Variants in STARD9 observed in about 807,000 individuals in gnomAD.
STARD9 encodes stAR-related lipid transfer protein 9.
In STARD9, 346 loss-of-function variants were observed where a neutral mutation model predicts 399.8. That is an observed-to-expected ratio of 0.87 (90% CI 0.79 to 0.95). The LOEUF (loss-of-function observed/expected upper bound fraction) is 0.95. STARD9 is among the 40% of genes least tolerant of loss of function. The pLI is 0.00. For missense variants in STARD9, 5,832 were observed against 5,667.5 expected, an observed-to-expected ratio of 1.03 and a Z score of -0.93; for synonymous variants, 2,203 against 2,143.5, an observed-to-expected ratio of 1.03 and a Z score of -0.77.
Position 42,694,679 on chromosome 15 carries a change from C to G in STARD9, c.12916C>G (p.Arg4306Gly), listed in dbSNP as rs971100428. ...IWDLDLPSRR[R>G]EYLQQLRKDV... ...GGATCTTGACTTGCCCAGCAGACGC[C>G]GAGAATACCTGCAGCAACTGAGGAA... Residue 4306 changes from arginine to glycine, a missense_variant, in exon 24 of 33, where the codon CGA (arginine) becomes GGA (glycine). By Grantham distance (125) the Arg-to-Gly change is moderately radical. Coordinates refer to ENST00000290607, the MANE Select transcript of STARD9 (RefSeq NM_020759.3). 9.1e-6 allele frequency: 14 copies of G among 1,537,000 alleles called. No individual in the cohort carries two copies. Among genetic ancestry groups the G allele is most frequent in the Non-Finnish European group, 1.1e-5 (13 of 1,146,896 alleles).
chr15:42,593,093 G>A (rs1417862915), intron 3 of STARD9, among the ~76,000 whole-genome samples: 1 of 152,156 alleles, frequency 6.6e-6, no homozygotes, highest in East Asian at 1.9e-4. Context: ...GAGTTTATGA[G>A]TGCTGTGCCT....
chr15:42,683,534 T>C (rs995388953), intron 22 of STARD9, among the ~76,000 whole-genome samples: 5 of 152,206 alleles, frequency 3.3e-5, no homozygotes, highest in Non-Finnish European at 7.3e-5. Flanking sequence ...TGATGTATTC[T>C]AAAACCTAGG....
At position 42,695,837 on chromosome 15, in the gene STARD9, GCAGCCCAGCCTTGTCAGGC is replaced by G; in HGVS notation, c.13246_13264del (p.Pro4416SerfsTer20). The G allele has an allele frequency of 6.5e-7, 1 of 1,537,214 alleles. No individual in the cohort carries two copies. The highest frequency in any genetic ancestry group is 8.7e-7 in the Non-Finnish European group (1 of 1,146,862). On this transcript the variant is annotated frameshift_variant, in exon 26 of 33. Coordinates refer to ENST00000290607, the MANE Select transcript of STARD9 (RefSeq NM_020759.3). LOFTEE classifies it high-confidence loss of function. Reference sequence around the variant, plus strand: ...TCTGGCATGACCTCTGGCTATAATAGCAGCCCAGCCTTGTCAGGCCAGCTCCAGTTCCCAGAGAATATGG... The same window carrying G: ...TCTGGCATGACCTCTGGCTATAATAGCAGCTCCAGTTCCCAGAGAATATGG...
At chr15:42,626,594 G>A (rs1422360977) in intron 3 of STARD9, among the ~76,000 whole-genome samples, 3 of 151,540 alleles carry the variant, frequency 2.0e-5, no homozygotes, top group African/African-American at 4.9e-5. Flanking sequence ...TCCGCCTCCC[G>A]GGTTCTAATG....
intron 3 of STARD9, among the ~76,000 whole-genome samples, chr15:42,623,184 G>T (rs1389588832): frequency 6.6e-6 from 1 of 151,954 alleles, no homozygotes; most frequent in African/African-American, 2.4e-5. Context: ...CCTGGGAGGC[G>T]GAGGTTGCAG....
chr15:42,663,808 C>CT lies in STARD9; in HGVS notation c.1079-10dup. On this transcript the variant is annotated splice_polypyrimidine_tract_variant and intron_variant, in intron 12 of 32. Transcript: ENST00000290607. ...GGCTGGCATGTTTTTAAACTTTCTCCTTCTACCTCAGCGGTGTCTCCTGCA... is the reference window on the plus strand; with the variant it reads ...GGCTGGCATGTTTTTAAACTTTCTCCTTTCTACCTCAGCGGTGTCTCCTGCA... The CT allele has an allele frequency of 6.5e-7, 1 of 1,529,430 alleles. No individual in the cohort carries two copies. The highest frequency in any genetic ancestry group is 8.8e-7 in the Non-Finnish European group (1 of 1,139,822). The allele number at this position is 1,529,430 out of a possible 1,614,324, so 94.7% of individuals were successfully genotyped here. A position where few individuals can be genotyped will look rare whatever the true frequency, so the allele number is the denominator to read the frequency against.
intron 7 of STARD9, among the ~76,000 whole-genome samples, chr15:42,647,550 A>G (rs1566901610): frequency 6.6e-6 from 1 of 152,062 alleles, no homozygotes; most frequent in Non-Finnish European, 1.5e-5. Flanking sequence ...CATTAACGAA[A>G]CTAGCTTTCT....
intron 7 of STARD9, among the ~76,000 whole-genome samples, chr15:42,639,821 G>A (rs988671557): frequency 6.7e-6 from 1 of 150,170 alleles, no homozygotes; most frequent in Non-Finnish European, 1.5e-5. Flanking sequence ...TCGAGATTGC[G>A]CAACTGCACT....
intron 26 of STARD9, among the ~76,000 whole-genome samples, chr15:42,699,549 A>G (rs751245527): frequency 1.5e-4 from 22 of 151,006 alleles, no homozygotes; most frequent in African/African-American, 4.9e-4. Context: ...GCCCGCCACC[A>G]CGCCCAGCTA....
rs540380160 is a variant in STARD9, at chr15:42,630,863, C to A, written c.235-3993C>A. On this transcript the variant is annotated intron_variant, in intron 3 of 32. Transcript: ENST00000290607. ...TATCGATTTTATCTTTTCAAAATAC[C>A]AACTTTTCATTTTTATTGATCTTTT... 5.3e-5 allele frequency among the ~76,000 whole-genome samples: 8 copies of A among 151,724 alleles called. No homozygotes were observed. The East Asian group carries it at 1.4e-3, about 26-fold the overall frequency.
rs747510360 is a variant in STARD9 at position 42,675,993 on chromosome 15, A to C, written c.1874+18A>C. On this transcript the variant is annotated intron_variant, in intron 20 of 32. Coordinates refer to ENST00000290607, the MANE Select transcript of STARD9 (RefSeq NM_020759.3). Reference sequence around the variant, plus strand: ...AAGGAAAGGTAAGAAATAGCTGCTTATACTGATGTGGAACCTACTGGGTTC... The same window carrying C: ...AAGGAAAGGTAAGAAATAGCTGCTTCTACTGATGTGGAACCTACTGGGTTC... 24 of 1,357,034 alleles carry C rather than the reference A, an allele frequency of 1.8e-5. No homozygotes were observed. The Middle Eastern group carries it at 5.9e-4, about 33-fold the overall frequency. The allele number at this position is 1,357,034 out of a possible 1,614,324, so 84.1% of individuals were successfully genotyped here.
At chr15:42,619,359 C>T (rs141542733) in intron 3 of STARD9, among the ~76,000 whole-genome samples, 7 of 151,806 alleles carry the variant, frequency 4.6e-5, no homozygotes, top group South Asian at 2.1e-4. Flanking sequence ...CCTTTTAAGA[C>T]GGGATTTTCA....
intron 9 of STARD9, among the ~76,000 whole-genome samples, chr15:42,657,357 T>C (rs1456984198): frequency 8.4e-6 from 1 of 118,952 alleles, no homozygotes; most frequent in Non-Finnish European, 1.6e-5. Context: ...TGAGATTCCG[T>C]CTCAAAAAAA....
intron 10 of STARD9, among the ~76,000 whole-genome samples, chr15:42,661,808 T>G (rs761882822): frequency 2.8e-4 from 43 of 152,036 alleles, no homozygotes; most frequent in Non-Finnish European, 3.7e-4. Flanking sequence ...TCAATCAGAT[T>G]ATTAGGAGGT....
chr15:42,682,212 C>T lies in STARD9; in HGVS notation c.2174C>T (p.Ala725Val), dbSNP rs1162851062. 11 of 1,537,126 alleles carry T rather than the reference C, an allele frequency of 7.2e-6. 1 individual carries two copies. The East Asian group carries it at 2.7e-4, about 38-fold the overall frequency. The change falls in exon 22 of 33, where the codon GCT becomes GTT. Residue 725 changes from alanine (A) to valine (V), a missense_variant. By Grantham distance (64) the Ala-to-Val change is moderately conservative (BLOSUM62 0). Around this residue, in one of 2 missense-constraint regions of STARD9, gnomAD observed 5,828 missense variants for 5,651.1 expected, o/e 1.03. Coordinates refer to ENST00000290607, the MANE Select transcript of STARD9 (RefSeq NM_020759.3). ...CTTGAGGCATCTGTGGCACTTGATG[C>T]TTGGCTTCAGACAGATCCTGAGATT... Reference protein sequence around the residue: ...KELEASVALDAWLQTDPEIQP... With the variant: ...KELEASVALDVWLQTDPEIQP...
chr15:42,586,535 G>A (rs2058281149), intron 3 of STARD9, among the ~76,000 whole-genome samples: 1 of 152,222 alleles, frequency 6.6e-6, no homozygotes, highest in Non-Finnish European at 1.5e-5. Flanking sequence ...ACCCCATCAT[G>A]GCCAGCAAGC....
At chr15:42,682,674 C>T in intron 22 of STARD9, 99 bp downstream of exon 22, 1 of 908,976 alleles carries the variant, frequency 1.1e-6, no homozygotes, top group Non-Finnish European at 1.6e-6. Flanking sequence ...TTTCCTCAGT[C>T]TGTGAAATGG....
rs2060161451 is a variant in STARD9 at position 42,669,274 on chromosome 15, GC to G, written c.1436del (p.Pro479HisfsTer3). The G allele has an allele frequency of 2.0e-6, 3 of 1,536,844 alleles. No homozygotes were observed. The highest frequency in any genetic ancestry group is 2.6e-6 in the Non-Finnish European group (3 of 1,146,694). ...CTGGGGTGGTCATCGACTCCAGCCT[GC>G]CACACTTGATGGCCTTGGAGGATGA... The part of the protein sequence containing the change: ...RAGVVIDSSL[P>X]HLMALEDDVL... On this transcript the variant is annotated frameshift_variant, in exon 16 of 33. Transcript: ENST00000290607. LOFTEE classifies it high-confidence loss of function.
chr15:42,685,339 T>G lies in STARD9; in HGVS notation c.3761T>G (p.Leu1254Arg), dbSNP rs753661806. The G allele has an allele frequency of 6.5e-7, 1 of 1,537,350 alleles. No individual in the cohort carries two copies. The highest frequency in any genetic ancestry group is 2.0e-5 in the Admixed American group (1 of 51,000). The stretch of plus-strand genomic sequence containing the variant: ...ATGGACCAAGAGGCAATATGCAGGC[T>G]TGGTCCCATCAACTACAGAACAGCA... ...PVMDQEAICR[L>R]GPINYRTAAR... Residue 1254 changes from leucine (L) to arginine (R), a missense_variant, in exon 23 of 33, where the codon CTT (leucine) becomes CGT (arginine). By Grantham distance (102) the Leu-to-Arg change is moderately radical. Transcript: ENST00000290607.
Sources: gnomAD v4.1 joint callset for allele counts (sites outside exome capture counted in the v4.1 genomes callset) on GRCh38, gnomAD v4.1.1 for gene constraint, gnomAD v4.1.1 regional missense constraint, MANE v1.5 for transcripts, NCBI Gene and HGNC (gene_info 2026-07-23, HGNC 2026-07-21) for gene names.